Variants in ROBO2 observed in about 807,000 individuals in gnomAD.
ROBO2 encodes roundabout homolog 2.
ROBO2 carries 53 observed loss-of-function variants against 160.8 expected under a neutral mutation model. The ratio of observed to expected loss-of-function variants is 0.33; its 90% CI spans 0.26 to 0.41. The LOEUF (loss-of-function observed/expected upper bound fraction) is 0.41. ROBO2 is among the 10% of genes least tolerant of loss of function. ROBO2 has a pLI of 1.00. For missense variants in ROBO2, 1,577 were observed against 1,722.4 expected (o/e 0.92, Z 1.49); for synonymous variants, 664 against 611.7 (o/e 1.09, Z -1.26).
chr3:76,913,744 C>T (rs748919523), intron 2 of ROBO2, among the ~76,000 whole-genome samples: 4 of 152,096 alleles, frequency 2.6e-5, no homozygotes, highest in Non-Finnish European at 5.9e-5. Context: ...AATAATACTC[C>T]TTTAGATGAG....
chr3:76,788,082 A>G (rs1245967087), intron 2 of ROBO2, among the ~76,000 whole-genome samples: 1 of 151,394 alleles, frequency 6.6e-6, no homozygotes, highest in East Asian at 1.9e-4. Context: ...CATATTTCCA[A>G]AAGATTCCAA....
intron 21 of ROBO2, among the ~76,000 whole-genome samples, chr3:77,616,301 C>A (rs74439143): frequency 6.6e-6 from 1 of 151,480 alleles, no homozygotes; most frequent in African/African-American, 2.4e-5. Flanking sequence ...GGAAATAGTG[C>A]GAGATTAAGC....
At chr3:77,384,297 C>A (rs1176198544) in intron 2 of ROBO2, among the ~76,000 whole-genome samples, 2 of 152,128 alleles carry the variant, frequency 1.3e-5, no homozygotes, top group Non-Finnish European at 2.9e-5. Context: ...GCTTAGTCCT[C>A]AATGACTGAT....
intron 2 of ROBO2, among the ~76,000 whole-genome samples, chr3:76,294,338 C>T (rs1708960956): frequency 6.6e-6 from 1 of 152,050 alleles, no homozygotes; most frequent in Admixed American, 6.5e-5. Context: ...TTCTCAGCTC[C>T]GGCTCAGTGG....
intron 2 of ROBO2, among the ~76,000 whole-genome samples, chr3:76,420,690 T>A (rs145311737): frequency 6.6e-6 from 1 of 152,330 alleles, no homozygotes; most frequent in African/African-American, 2.4e-5. Context: ...CCATAAACAC[T>A]GTATAGTTCA....
chr3:77,203,917 A>G (rs1335174482), intron 2 of ROBO2, among the ~76,000 whole-genome samples: 2 of 152,218 alleles, frequency 1.3e-5, no homozygotes, highest in African/African-American at 2.4e-5. Context: ...ATTATGATGC[A>G]AAGTTGCCTC....
intron 2 of ROBO2, among the ~76,000 whole-genome samples, chr3:76,728,213 T>C (rs1252805952): frequency 2.6e-5 from 4 of 152,248 alleles, no homozygotes; most frequent in African/African-American, 9.6e-5. Flanking sequence ...AGAAACATAT[T>C]CATTCTGTGT....
intron 2 of ROBO2, among the ~76,000 whole-genome samples, chr3:77,011,073 C>G (rs2149463440): frequency 7.9e-6 from 1 of 126,188 alleles, no homozygotes; most frequent in Admixed American, 7.9e-5. Flanking sequence ...TTCTTTCTTT[C>G]TTTCTTTCTT....
chr3:76,451,065 T>C (rs188143381), intron 2 of ROBO2, among the ~76,000 whole-genome samples: 1 of 152,034 alleles, frequency 6.6e-6, no homozygotes, highest in Non-Finnish European at 1.5e-5. Flanking sequence ...CAGGCCTCTT[T>C]GGTAGGTTGT....
At chr3:77,119,077 C>A (rs1956031043) in intron 2 of ROBO2, among the ~76,000 whole-genome samples, 1 of 152,028 alleles carries the variant, frequency 6.6e-6, no homozygotes, top group Middle Eastern at 3.2e-3. Flanking sequence ...GAGATCTGAT[C>A]CTTTAAAAGT....
intron 2 of ROBO2, among the ~76,000 whole-genome samples, chr3:76,947,851 G>C (rs2078666516): frequency 6.6e-6 from 1 of 151,972 alleles, no homozygotes; most frequent in Admixed American, 6.6e-5. Flanking sequence ...TGCTGCTGTT[G>C]TTCTATTGAC....
intron 2 of ROBO2, among the ~76,000 whole-genome samples, chr3:76,892,266 A>G (rs1405703487): frequency 6.6e-6 from 1 of 150,378 alleles, no homozygotes; most frequent in East Asian, 1.9e-4. Flanking sequence ...CTAACTGCCT[A>G]GGCAGCTTTG....
chr3:76,427,026 C>T (rs1244321247), intron 2 of ROBO2, among the ~76,000 whole-genome samples: 3 of 152,014 alleles, frequency 2.0e-5, no homozygotes, highest in Non-Finnish European at 2.9e-5. Context: ...TATGTTGTGC[C>T]GTGCTAACAT....
chr3:76,221,904 T>G (rs568131393), intron 2 of ROBO2, among the ~76,000 whole-genome samples: 1 of 152,158 alleles, frequency 6.6e-6, no homozygotes, highest in South Asian at 2.1e-4. Flanking sequence ...CTGAGAAGGG[T>G]CTATTCCAAT....
chr3:77,577,203 C>T (rs928558922), intron 14 of ROBO2, among the ~76,000 whole-genome samples: 1 of 152,036 alleles, frequency 6.6e-6, no homozygotes, highest in Non-Finnish European at 1.5e-5. Context: ...AAGCATTAAA[C>T]CTGACACTTA....
intron 2 of ROBO2, among the ~76,000 whole-genome samples, chr3:77,322,724 T>A (rs1282622993): frequency 7.0e-6 from 1 of 143,578 alleles, no homozygotes; most frequent in African/African-American, 2.6e-5. Context: ...AGAACATAGG[T>A]CTAATATATA....
chr3:77,649,129 T>C (rs2153726783), exon 26 of ROBO2: 1 of 152,264 alleles, frequency 6.6e-6, no homozygotes, highest in Middle Eastern at 3.4e-3. Flanking sequence ...AAAGAATTGA[T>C]TCCTTCACAG....
intron 2 of ROBO2, among the ~76,000 whole-genome samples, chr3:76,833,645 T>C (rs2067274901): frequency 6.6e-6 from 1 of 152,172 alleles, no homozygotes; most frequent in African/African-American, 2.4e-5. Context: ...CCCACAAGTG[T>C]GCCTAAATAC....
In ROBO2 at chr3:76,310,885, G is replaced by A. The variant is rs144489722; in HGVS notation, c.109+373283G>A. Among the ~76,000 whole-genome samples the A allele has an allele frequency of 4.6e-5, 7 of 152,272 alleles. No individual in the cohort carries two copies. In the East Asian group the frequency reaches 1.2e-3, roughly 25 times the overall value. On this transcript the variant is annotated intron_variant, in intron 2 of 26. Coordinates refer to the ROBO2 transcript ENST00000487694. The stretch of plus-strand genomic sequence containing the variant: ...ATTTGGTTGGTTGCACGGCTATTAG[G>A]ATCACACAGGCAGCCTGAAAGCTGT...
Sources: allele counts gnomAD v4.1 joint callset (sites outside exome capture counted in the v4.1 genomes callset), GRCh38; gene constraint gnomAD v4.1.1; transcripts MANE v1.5; gene names NCBI Gene and HGNC (gene_info 2026-07-23, HGNC 2026-07-21).